PLCB1: variants seen among roughly 807,000 people sequenced by gnomAD.
PLCB1 encodes 1-phosphatidylinositol 4,5-bisphosphate phosphodiesterase beta-1.
Under a neutral mutation model 161.8 loss-of-function variants are expected in PLCB1, and 46 were observed. That is an observed-to-expected ratio of 0.28 (90% confidence interval 0.22 to 0.36). The LOEUF is 0.36. PLCB1 is among the 10% of genes least tolerant of loss of function. The probability of loss-of-function intolerance (pLI) is 1.00; values close to 1 mark genes in which losing one functional copy is unlikely to be tolerated. For missense variants in PLCB1, 1,016 were observed against 1,472.5 expected (o/e 0.69, Z 5.07); for synonymous variants, 517 against 503.7 (o/e 1.03, Z -0.35).
chr20:8,581,474 A>G (rs527324738), intron 3 of PLCB1, among the ~76,000 whole-genome samples: 3 of 152,302 alleles, frequency 2.0e-5, no homozygotes, highest in African/African-American at 4.8e-5. Flanking sequence ...GTATGGGACA[A>G]TTTTGGATGT....
chr20:8,816,869 C>T, intron 31 of PLCB1, among the ~76,000 whole-genome samples: 1 of 152,190 alleles, frequency 6.6e-6, no homozygotes, highest in East Asian at 1.9e-4. Context: ...TAAATGAGAG[C>T]TTGTTTGAAA....
intron 31 of PLCB1, among the ~76,000 whole-genome samples, chr20:8,834,050 T>C (rs1986153595): frequency 6.6e-6 from 1 of 152,192 alleles, no homozygotes; most frequent in East Asian, 1.9e-4. Context: ...AGTTCATTCA[T>C]TCAATATTAT....
In PLCB1 at chr20:8,550,103, T is replaced by A. The variant is rs927888180; in HGVS notation, c.247-78191T>A. ...TATTGTATGTAGGAAGTAAGTAACT[T>A]GCTTTTGACTTTACAGGCTCATACG... On this transcript the variant is annotated intron_variant, in intron 3 of 31. Coordinates refer to ENST00000338037, the MANE Select transcript of PLCB1 (RefSeq NM_015192.4). Among the ~76,000 whole-genome samples the A allele has an allele frequency of 3.9e-5, 6 of 152,176 alleles. No individual in the cohort carries two copies. The South Asian group carries it at 8.3e-4, about 21-fold the overall frequency.
chr20:8,497,089 A>C (rs890181265), intron 3 of PLCB1, among the ~76,000 whole-genome samples: 4 of 152,200 alleles, frequency 2.6e-5, no homozygotes, highest in African/African-American at 9.6e-5. Flanking sequence ...TATGTGTCTA[A>C]GGAATTTGAT....
At chr20:8,454,537 G>C (rs898871369) in intron 3 of PLCB1, among the ~76,000 whole-genome samples, 34 of 152,278 alleles carry the variant, frequency 2.2e-4, no homozygotes, top group Non-Finnish European at 4.3e-4. Context: ...GAAGCTGACT[G>C]AATTTGGTAA....
At position 8,733,356 on chromosome 20, in the gene PLCB1, C is replaced by T. The variant is rs373550621; in HGVS notation, c.2007C>T (p.Ile669=). The T allele has an allele frequency of 5.0e-6, 8 of 1,613,632 alleles. No homozygotes were observed. The highest frequency in any genetic ancestry group is 5.9e-6 in the Non-Finnish European group (7 of 1,179,826). Residue 669 remains isoleucine, a synonymous_variant, in exon 19 of 32, where the codon ATC becomes ATT. Transcript: ENST00000338037. The part of the protein sequence containing the change: ...DKHFDPFTEG[I]VDGIVANTLS... ...ATTTTGATCCATTTACTGAAGGCAT[C>T]GTAGATGGGATAGTGGCAAACACTT...
At chr20:8,317,375 G>A (rs1984706169) in intron 2 of PLCB1, among the ~76,000 whole-genome samples, 1 of 151,998 alleles carries the variant, frequency 6.6e-6, no homozygotes, top group Admixed American at 6.6e-5. Flanking sequence ...ATTTATTTTA[G>A]CAACATCCAC....
At chr20:8,643,024 A>G (rs1989004608) in intron 4 of PLCB1, among the ~76,000 whole-genome samples, 1 of 152,210 alleles carries the variant, frequency 6.6e-6, no homozygotes, top group Non-Finnish European at 1.5e-5. Flanking sequence ...TTAGATAGTT[A>G]CTGTGAAATG....
At chr20:8,766,762 G>A (rs974066956) in intron 26 of PLCB1, among the ~76,000 whole-genome samples, 1 of 152,192 alleles carries the variant, frequency 6.6e-6, no homozygotes, top group African/African-American at 2.4e-5. Context: ...TGGGGATCTT[G>A]TTAGGTGCAG....
Position 8,657,383 on chromosome 20 carries a change from C to T in PLCB1, c.695+99C>T. 2.6e-6 allele frequency: 2 copies of T among 756,712 alleles called. 1 individual carries two copies. The highest frequency in any genetic ancestry group is 2.9e-5 in the South Asian group (2 of 70,128). The allele number at this position is 756,712 out of a possible 1,614,324, so 46.9% of individuals were successfully genotyped here. A position where few individuals can be genotyped will look rare whatever the true frequency, so the allele number is the denominator to read the frequency against. ...GTGGTAATTGGAGATGGAAGAACAT[C>T]ATACACTGTGTCTAAAAGCAATATT... is the stretch of plus-strand genomic sequence containing the variant. On this transcript the variant is annotated intron_variant, in intron 8 of 31. Coordinates refer to ENST00000338037, the MANE Select transcript of PLCB1 (RefSeq NM_015192.4).
At chr20:8,748,776 A>G (rs552631617) in intron 23 of PLCB1, among the ~76,000 whole-genome samples, 2 of 152,338 alleles carry the variant, frequency 1.3e-5, no homozygotes, top group East Asian at 3.9e-4. Flanking sequence ...ACAATCATGT[A>G]TCATAGTCAG....
chr20:8,218,340 G>A (rs1979236520), intron 2 of PLCB1, among the ~76,000 whole-genome samples: 1 of 152,120 alleles, frequency 6.6e-6, no homozygotes. Context: ...AGGTCATAGA[G>A]TGAGGCAGTG....
intron 2 of PLCB1, among the ~76,000 whole-genome samples, chr20:8,241,975 G>C (rs1026410175): frequency 1.7e-4 from 26 of 151,974 alleles, no homozygotes; most frequent in African/African-American, 6.3e-4. Context: ...TACAAGAACA[G>C]AGCTCTGTTC....
intron 9 of PLCB1, among the ~76,000 whole-genome samples, chr20:8,677,568 A>T (rs1053951846): frequency 6.6e-6 from 1 of 152,186 alleles, no homozygotes; most frequent in Admixed American, 6.5e-5. Context: ...GCCAAAGCAC[A>T]TCATTGTGAA....
chr20:8,587,675 A>G lies in PLCB1; in HGVS notation c.247-40619A>G, dbSNP rs145387467. On this transcript the variant is annotated intron_variant, in intron 3 of 31. Coordinates refer to ENST00000338037, the MANE Select transcript of PLCB1 (RefSeq NM_015192.4). ...TGTTGCCATTGGGTTCTGGTTTACA[A>G]CTGTCTTGCCTGAGATTATAAATTT... Among the ~76,000 whole-genome samples the G allele has an allele frequency of 7.7e-3, 1,173 of 152,310 alleles. 7 individuals are homozygous for G. The highest frequency in any genetic ancestry group is 0.013 in the Non-Finnish European group (901 of 68,018).
At chr20:8,697,378 T>C (rs979985465) in intron 10 of PLCB1, among the ~76,000 whole-genome samples, 3 of 152,220 alleles carry the variant, frequency 2.0e-5, no homozygotes, top group African/African-American at 7.2e-5. Context: ...TGGCACATGG[T>C]AAATAGTTAA....
chr20:8,330,952 C>T (rs1028247853), intron 2 of PLCB1, among the ~76,000 whole-genome samples: 1 of 152,172 alleles, frequency 6.6e-6, no homozygotes, highest in Admixed American at 6.5e-5. Flanking sequence ...TTAATATGCA[C>T]AAAGCGCTTC....
intron 6 of PLCB1, among the ~76,000 whole-genome samples, chr20:8,649,088 T>C (rs957657368): frequency 1.3e-5 from 2 of 152,202 alleles, no homozygotes; most frequent in African/African-American, 2.4e-5. Context: ...AGGATGTTTA[T>C]TTTAGTGCTT....
chr20:8,501,086 G>A (rs373895314), intron 3 of PLCB1, among the ~76,000 whole-genome samples: 15 of 152,148 alleles, frequency 9.9e-5, no homozygotes, highest in East Asian at 1.9e-4. Flanking sequence ...ATCATTTTTC[G>A]TTCTCATGCT....
Sources: allele counts gnomAD v4.1 joint callset (sites outside exome capture counted in the v4.1 genomes callset), GRCh38; gene constraint gnomAD v4.1.1; transcripts MANE v1.5; gene names NCBI Gene and HGNC (gene_info 2026-07-23, HGNC 2026-07-21).